ZBTB20: variants seen among roughly 807,000 people sequenced by gnomAD.
ZBTB20 encodes the protein zinc finger and BTB domain containing 20, also known as zinc finger and BTB domain-containing protein 20.
In ZBTB20, 9 loss-of-function variants were observed where a neutral mutation model predicts 56.9. That is an observed-to-expected ratio of 0.16 (90% CI 0.10 to 0.28). The LOEUF is 0.28. ZBTB20 is among the 10% of genes least tolerant of loss of function. ZBTB20 has a pLI of 1.00. For synonymous variants in ZBTB20, 417 were observed against 420.7 expected (o/e 0.99, Z 0.11); for missense variants, 655 against 1,003.0 (o/e 0.65, Z 4.69).
intron 5 of ZBTB20, among the ~76,000 whole-genome samples, chr3:114,704,302 T>C (rs978964918): frequency 6.6e-6 from 1 of 152,134 alleles, no homozygotes; most frequent in Non-Finnish European, 1.5e-5. Flanking sequence ...CTTATGCTTC[T>C]ATTTGGATCT....
intron 6 of ZBTB20, among the ~76,000 whole-genome samples, chr3:114,615,476 C>T (rs752732984): frequency 6.6e-5 from 10 of 152,164 alleles, no homozygotes; most frequent in Non-Finnish European, 1.5e-4. Flanking sequence ...GTTAACCTTG[C>T]TGCACAGGTA....
At position 115,061,148 on chromosome 3, in the gene ZBTB20, T is replaced by C. The variant is rs138341063; in HGVS notation, c.-507+10071A>G. 4.7e-4 allele frequency among the ~76,000 whole-genome samples: 71 copies of C among 152,244 alleles called. 1 individual carries two copies. The East Asian group carries it at 0.013, about 27-fold the overall frequency. On this transcript the variant is annotated intron_variant, in intron 2 of 11. Transcript: ENST00000675478. Reference sequence around the variant, plus strand: ...TGTGGCTTGAAAAAGATATATTTACTTTCAGTTAACACATCTATAAATGGA... The same window carrying C: ...TGTGGCTTGAAAAAGATATATTTACCTTCAGTTAACACATCTATAAATGGA...
At chr3:115,116,572 G>A (rs1026028523) in intron 1 of ZBTB20, among the ~76,000 whole-genome samples, 1 of 151,978 alleles carries the variant, frequency 6.6e-6, no homozygotes, top group Admixed American at 6.6e-5. Context: ...TTGATAATAA[G>A]AGATAACATT....
chr3:114,738,398 T>C (rs867500645), intron 5 of ZBTB20, among the ~76,000 whole-genome samples: 1 of 152,226 alleles, frequency 6.6e-6, no homozygotes, highest in South Asian at 2.1e-4. Flanking sequence ...TCGGTGGGCA[T>C]GTGCCAAATT....
At chr3:114,979,811 A>G (rs2078257777) in intron 2 of ZBTB20, among the ~76,000 whole-genome samples, 1 of 152,024 alleles carries the variant, frequency 6.6e-6, no homozygotes, top group African/African-American at 2.4e-5. Flanking sequence ...GGAGGTATTC[A>G]TTTTGGATTT....
At chr3:114,972,696 A>G (rs2077935264) in intron 3 of ZBTB20, among the ~76,000 whole-genome samples, 1 of 152,218 alleles carries the variant, frequency 6.6e-6, no homozygotes, top group South Asian at 2.1e-4. Flanking sequence ...GTTAAAATCT[A>G]TTCCACTTTG....
chr3:114,848,031 G>T (rs2074805381), intron 4 of ZBTB20, among the ~76,000 whole-genome samples: 1 of 152,046 alleles, frequency 6.6e-6, no homozygotes, highest in South Asian at 2.1e-4. Flanking sequence ...AGAATTTGAA[G>T]AAACAAAAAT....
intron 3 of ZBTB20, among the ~76,000 whole-genome samples, chr3:114,915,726 C>G (rs907941153): frequency 6.6e-6 from 1 of 151,766 alleles, no homozygotes; most frequent in African/African-American, 2.4e-5. Flanking sequence ...CTTGTCACTA[C>G]AAATTTCCCT....
At chr3:114,418,546 A>G (rs2088814433) in intron 7 of ZBTB20, among the ~76,000 whole-genome samples, 1 of 151,802 alleles carries the variant, frequency 6.6e-6, no homozygotes, top group African/African-American at 2.4e-5. Context: ...ATAGAGTTAT[A>G]AATGAACTAG....
intron 4 of ZBTB20, among the ~76,000 whole-genome samples, chr3:114,842,240 G>C (rs2074412983): frequency 6.6e-6 from 1 of 151,962 alleles, no homozygotes; most frequent in African/African-American, 2.4e-5. Flanking sequence ...TTGTTAGCCT[G>C]GACTGTTGCC....
chr3:114,850,628 A>G (rs1289672814), intron 4 of ZBTB20, among the ~76,000 whole-genome samples: 1 of 152,258 alleles, frequency 6.6e-6, no homozygotes, highest in Non-Finnish European at 1.5e-5. Flanking sequence ...ATGTAAATAA[A>G]GGGGCTAAAA....
intron 7 of ZBTB20, among the ~76,000 whole-genome samples, chr3:114,467,324 A>G (rs1179801411): frequency 6.6e-6 from 1 of 152,188 alleles, no homozygotes; most frequent in Non-Finnish European, 1.5e-5. Flanking sequence ...AGATTTCAAG[A>G]ATGCAGTGAG....
intron 1 of ZBTB20, among the ~76,000 whole-genome samples, chr3:115,134,342 A>G (rs1323234230): frequency 6.6e-6 from 1 of 152,194 alleles, no homozygotes; most frequent in African/African-American, 2.4e-5. Context: ...AGTCAGAGAA[A>G]GTGCCTGCAA....
At chr3:114,387,293 C>T (rs1358760849) in intron 8 of ZBTB20, 3 of 152,054 alleles carry the variant, frequency 2.0e-5, no homozygotes, top group African/African-American at 7.2e-5. Flanking sequence ...AATTTTTTAT[C>T]CTCTTTATTG....
At chr3:114,481,455 A>C (rs928990689) in intron 7 of ZBTB20, among the ~76,000 whole-genome samples, 1 of 152,130 alleles carries the variant, frequency 6.6e-6, no homozygotes, top group African/African-American at 2.4e-5. Flanking sequence ...TTGCATTGGG[A>C]GAGACACAGA....
chr3:114,361,612 T>G (rs2081894657), intron 10 of ZBTB20, among the ~76,000 whole-genome samples: 1 of 152,188 alleles, frequency 6.6e-6, no homozygotes, highest in Non-Finnish European at 1.5e-5. Context: ...AACAAAGAGT[T>G]TTCTTTCCTA....
rs1560202027 is a variant in ZBTB20, at chr3:114,748,327, TTTC to T, written c.-343+52771_-343+52773del. On this transcript the variant is annotated intron_variant, in intron 5 of 11. Coordinates refer to ENST00000675478, the MANE Select transcript of ZBTB20 (RefSeq NM_001348800.3). ...CTTTCTTTCTTTCTTTCTTTCTTTC[TTTC>T]TTTCTTCTTTCTTTCTTTCTTTTCT... 1.7e-3 allele frequency among the ~76,000 whole-genome samples: 166 copies of T among 99,128 alleles called. 1 individual carries two copies. The highest frequency in any genetic ancestry group is 5.4e-3 in the African/African-American group (143 of 26,626). The allele number at this position is 99,128 out of a possible 152,430, so 65.0% of individuals were successfully genotyped here.
chr3:114,657,156 C>T (rs952161206), intron 6 of ZBTB20, among the ~76,000 whole-genome samples: 1 of 152,186 alleles, frequency 6.6e-6, no homozygotes, highest in Non-Finnish European at 1.5e-5. Context: ...TTATCTTTCT[C>T]TAATGCAATG....
At chr3:114,456,130 A>C (rs989883827) in intron 7 of ZBTB20, among the ~76,000 whole-genome samples, 1 of 152,150 alleles carries the variant, frequency 6.6e-6, no homozygotes, top group Non-Finnish European at 1.5e-5. Context: ...CAAAATGTTT[A>C]AATAGCCAAA....
Sources: allele counts gnomAD v4.1 joint callset (sites outside exome capture counted in the v4.1 genomes callset), GRCh38; gene constraint gnomAD v4.1.1; transcripts MANE v1.5; gene names NCBI Gene and HGNC (gene_info 2026-07-23, HGNC 2026-07-21).